The following PIK3C3 variants were observed in gnomAD, a reference collection of about 807,000 sequenced individuals.
PIK3C3 encodes PI3-kinase type 3.
Under a neutral mutation model 126.1 loss-of-function variants are expected in PIK3C3, and 95 were observed. The observed-to-expected ratio is 0.75, with a 90% CI of 0.64 to 0.89. The LOEUF is 0.89. Among genes scored for constraint, PIK3C3 ranks in the 40% least tolerant of loss-of-function variants. The pLI, the probability that PIK3C3 is intolerant of heterozygous loss-of-function variation, is 0.00. For missense variants in PIK3C3, 829 were observed against 1,063.2 expected (o/e 0.78, Z 3.06); for synonymous variants, 374 against 360.0 (o/e 1.04, Z -0.44).
In PIK3C3 at chr18:41,962,633, G is replaced by T. The variant is rs1980153548; in HGVS notation, c.401+1G>T. 1.2e-6 allele frequency: 2 copies of T among 1,609,620 alleles called. No individual in the cohort carries two copies. Among genetic ancestry groups the T allele is most frequent in the South Asian group, 1.1e-5 (1 of 90,446 alleles). On this transcript the variant is annotated splice_donor_variant, in intron 3 of 24. Transcript: ENST00000262039. LOFTEE classifies it high-confidence loss of function. ...CGGTTTCGCTCTTTGGAAAATACGG[G>T]TAAGCATTCTGTTGGTCTCATCTGT...
At chr18:42,039,520 C>T (rs966822548) in intron 18 of PIK3C3, among the ~76,000 whole-genome samples, 3 of 152,174 alleles carry the variant, frequency 2.0e-5, no homozygotes, top group Non-Finnish European at 4.4e-5. Flanking sequence ...ATCTTTCAAG[C>T]CTCTTCTTTT....
intron 6 of PIK3C3, among the ~76,000 whole-genome samples, chr18:41,993,034 C>G (rs1389604238): frequency 6.6e-6 from 1 of 152,080 alleles, no homozygotes; most frequent in Non-Finnish European, 1.5e-5. Context: ...CCTCATACCT[C>G]TAAAACTTTA....
chr18:41,981,001 T>C (rs1399828011), intron 4 of PIK3C3, among the ~76,000 whole-genome samples: 1 of 152,238 alleles, frequency 6.6e-6, no homozygotes. Context: ...TTCAAGGCTA[T>C]CAAATTTATT....
At chr18:42,071,399 T>C (rs539751502) in intron 24 of PIK3C3, among the ~76,000 whole-genome samples, 1 of 152,280 alleles carries the variant, frequency 6.6e-6, no homozygotes, top group South Asian at 2.1e-4. Context: ...ATCCCTATTT[T>C]ATAGATGAGA....
rs146387121 is a variant in PIK3C3, at chr18:42,017,222, T to A, written c.1416+1656T>A. On this transcript the variant is annotated intron_variant, in intron 12 of 24. Coordinates refer to ENST00000262039, the MANE Select transcript of PIK3C3 (RefSeq NM_002647.4). Reference sequence around the variant, plus strand: ...AATCAAGCTGAATTACCTCTCTTCTTATCACAACTTGAGATATCAACATTC... The same window carrying A: ...AATCAAGCTGAATTACCTCTCTTCTAATCACAACTTGAGATATCAACATTC... Among the ~76,000 whole-genome samples, 337 of 152,266 alleles carry A rather than the reference T, an allele frequency of 2.2e-3. 1 individual carries two copies. The highest frequency in any genetic ancestry group is 7.5e-3 in the African/African-American group (311 of 41,550).
At chr18:41,996,325 C>T (rs183821446) in intron 8 of PIK3C3, among the ~76,000 whole-genome samples, 1 of 152,214 alleles carries the variant, frequency 6.6e-6, no homozygotes, top group Non-Finnish European at 1.5e-5. Context: ...TTATTGTGTG[C>T]ACATTTTTCC....
intron 13 of PIK3C3, chr18:42,026,896 T>C (rs1240019408): frequency 2.6e-5 from 4 of 152,266 alleles, no homozygotes; most frequent in African/African-American, 9.6e-5. Context: ...TTTAAAACCA[T>C]AGTTTTTTAA....
chr18:41,998,015 T>C (rs1367405217), intron 9 of PIK3C3, among the ~76,000 whole-genome samples: 1 of 152,204 alleles, frequency 6.6e-6, no homozygotes, highest in Non-Finnish European at 1.5e-5. Context: ...AATCTTGTGA[T>C]ATGGTCTTTA....
intron 13 of PIK3C3, among the ~76,000 whole-genome samples, chr18:42,022,969 C>T (rs761721103): frequency 6.6e-6 from 1 of 151,956 alleles, no homozygotes; most frequent in Non-Finnish European, 1.5e-5. Context: ...TCATGAAAAT[C>T]TAAATATTTA....
In PIK3C3 at chr18:41,955,253, T is replaced by G; in HGVS notation, c.-39T>G. The G allele has an allele frequency of 6.4e-7, 1 of 1,571,900 alleles. No homozygotes were observed. Among genetic ancestry groups the G allele is most frequent in the Non-Finnish European group, 8.7e-7 (1 of 1,145,044 alleles). On this transcript the variant is annotated 5_prime_UTR_variant, in exon 1 of 25. Transcript: ENST00000262039. The stretch of plus-strand genomic sequence containing the variant: ...TCATTTATGTTGTTTTTCCTGTACC[T>G]AAGTTCCCGCTGTAGGTGGTACCTT...
chr18:42,070,733 G>A (rs1985739500), intron 24 of PIK3C3, among the ~76,000 whole-genome samples: 2 of 152,174 alleles, frequency 1.3e-5, no homozygotes, highest in East Asian at 1.9e-4. Context: ...ACTACTGCAA[G>A]GGTTGGTAAA....
chr18:42,039,881 C>T (rs949894762), intron 18 of PIK3C3, among the ~76,000 whole-genome samples: 1 of 152,062 alleles, frequency 6.6e-6, no homozygotes, highest in Non-Finnish European at 1.5e-5. Context: ...CAATAAATAC[C>T]TGTTAAGTGA....
chr18:42,048,516 T>C (rs1193863256), intron 20 of PIK3C3, among the ~76,000 whole-genome samples: 4 of 152,230 alleles, frequency 2.6e-5, no homozygotes, highest in African/African-American at 7.2e-5. Flanking sequence ...TGAAGGATGG[T>C]TATCTACTTA....
At chr18:42,008,992 A>G (rs1355306186) in intron 10 of PIK3C3, among the ~76,000 whole-genome samples, 2 of 152,144 alleles carry the variant, frequency 1.3e-5, no homozygotes, top group Admixed American at 1.3e-4. Context: ...GCACACAGGT[A>G]ATAGATTGAG....
At chr18:42,075,897 G>A (rs1252112943) in intron 24 of PIK3C3, among the ~76,000 whole-genome samples, 1 of 149,578 alleles carries the variant, frequency 6.7e-6, no homozygotes, top group Non-Finnish European at 1.5e-5. Flanking sequence ...TGTTTCATCT[G>A]CACTGAAAAT....
chr18:42,061,075 A>G (rs561543744), intron 22 of PIK3C3, among the ~76,000 whole-genome samples: 2 of 152,208 alleles, frequency 1.3e-5, no homozygotes, highest in Non-Finnish European at 2.9e-5. Flanking sequence ...TGAAAAATTT[A>G]AACTATCTTT....
chr18:42,016,899 G>A (rs768321662), intron 12 of PIK3C3, among the ~76,000 whole-genome samples: 1 of 152,012 alleles, frequency 6.6e-6, no homozygotes, highest in Non-Finnish European at 1.5e-5. Flanking sequence ...GAAGTGATTG[G>A]ATTCTGAAAA....
rs771427694 is a variant in PIK3C3, at chr18:42,043,774, T to G, written c.2145T>G (p.Asn715Lys). ...ATGCACCAAGTGAGAATGGGCCAAA[T>G]GGGATTAGTGCTGAGGTCATGGACA... Reference protein sequence around the residue: ...RKYAPSENGPNGISAEVMDTY... With the variant: ...RKYAPSENGPKGISAEVMDTY... The change falls in exon 20 of 25, where the codon AAT becomes AAG. Residue 715 changes from asparagine to lysine, a missense_variant. By Grantham distance (94) the Asn-to-Lys change is moderately conservative (BLOSUM62 0). Coordinates refer to ENST00000262039, the MANE Select transcript of PIK3C3 (RefSeq NM_002647.4). The G allele has an allele frequency of 6.2e-7, 1 of 1,613,416 alleles. No homozygotes were observed. The highest frequency in any genetic ancestry group is 8.5e-7 in the Non-Finnish European group (1 of 1,179,482).
At chr18:42,060,094 T>A (rs1985250426) in intron 22 of PIK3C3, among the ~76,000 whole-genome samples, 1 of 152,240 alleles carries the variant, frequency 6.6e-6, no homozygotes, top group African/African-American at 2.4e-5. Context: ...TTTTTTAATG[T>A]TGTATTTCAG....
Sources: gnomAD v4.1 joint callset for allele counts (sites outside exome capture counted in the v4.1 genomes callset) on GRCh38, gnomAD v4.1.1 for gene constraint, MANE v1.5 for transcripts, NCBI Gene and HGNC (gene_info 2026-07-23, HGNC 2026-07-21) for gene names.